KIF20B: variants seen among roughly 807,000 people sequenced by gnomAD.
KIF20B encodes kinesin-like protein KIF20B.
A neutral mutation model predicts 232.5 loss-of-function variants in KIF20B; 188 were observed. That is an observed-to-expected ratio of 0.81 (90% CI 0.72 to 0.91). KIF20B has a LOEUF of 0.91. Ranked by LOEUF, KIF20B falls within the 40% of genes least tolerant of loss-of-function variation. KIF20B has a pLI of 0.00. For missense variants in KIF20B, 2,154 were observed against 2,055.9 expected, an observed-to-expected ratio of 1.05 and a Z score of -0.92; for synonymous variants, 712 against 683.0, an observed-to-expected ratio of 1.04 and a Z score of -0.66.
chr10:89,759,317 C>T (rs1034071118), intron 27 of KIF20B, among the ~76,000 whole-genome samples: 27 of 151,982 alleles, frequency 1.8e-4, no homozygotes, highest in Admixed American at 8.5e-4. Context: ...GGTAGAGAGA[C>T]ATTATGAGTC....
At chr10:89,755,734 C>T (rs1842107844) in intron 26 of KIF20B, among the ~76,000 whole-genome samples, 1 of 151,944 alleles carries the variant, frequency 6.6e-6, no homozygotes. Flanking sequence ...ACTGGGACTA[C>T]AGGCACATGC....
chr10:89,727,977 T>TG (rs1843226130), intron 17 of KIF20B, 81 bp downstream of exon 17: 14 of 1,265,166 alleles, frequency 1.1e-5, no homozygotes, highest in Non-Finnish European at 1.4e-5. Flanking sequence ...TTTGTTTATT[T>TG]TAAAAAATAA....
In KIF20B at chr10:89,719,534, G is replaced by T. The variant is rs1589856605; in HGVS notation, c.1550G>T (p.Arg517Ile). 6.2e-7 allele frequency: 1 copy of T among 1,612,994 alleles called. No homozygotes were observed. The highest frequency in any genetic ancestry group is 8.5e-7 in the Non-Finnish European group (1 of 1,179,294). ...AACAGTAAAATATTAAATGTAAAAA[G>T]AGCCACCATTTCATGGGAAAATAGT... ...NSNSKILNVK[R>I]ATISWENSLE... is the part of the protein sequence containing the mutation. Residue 517 changes from arginine to isoleucine, a missense_variant, in exon 13 of 33, where the codon AGA becomes ATA. Coordinates refer to ENST00000371728, the MANE Select transcript of KIF20B (RefSeq NM_001284259.2).
chr10:89,762,244 C>G (rs906861712), intron 28 of KIF20B, among the ~76,000 whole-genome samples: 1 of 152,200 alleles, frequency 6.6e-6, no homozygotes, highest in Non-Finnish European at 1.5e-5. Flanking sequence ...GAATGAGAGA[C>G]TCCATCTCTC....
Position 89,737,937 on chromosome 10 carries a change from T to C in KIF20B, c.3096T>C (p.Asp1032=), listed in dbSNP as rs754328979. ...PNTQLDLLGN[D]YLVSKQVKEY... is the part of the protein sequence containing the mutation. ...CACAGTTAGACCTTTTAGGTAATGATTATTTGGTAAGTAAGCAAGTTAAAG... is the reference window on the plus strand; with the variant it reads ...CACAGTTAGACCTTTTAGGTAATGACTATTTGGTAAGTAAGCAAGTTAAAG... Residue 1032 remains aspartate (D), a synonymous_variant, in exon 20 of 33, where the codon GAT becomes GAC. Transcript: ENST00000371728. 1.1e-5 allele frequency: 17 copies of C among 1,613,186 alleles called. No individual in the cohort carries two copies. In the African/African-American group the frequency reaches 2.0e-4, roughly 19 times the overall value.
chr10:89,774,041 C>T lies in KIF20B; in HGVS notation c.5456C>T (p.Ala1819Val), dbSNP rs962046645. The change falls in exon 33 of 33, where the codon GCC becomes GTC. Residue 1819 changes from alanine (A) to valine (V), a missense_variant. Coordinates refer to ENST00000371728, the MANE Select transcript of KIF20B (RefSeq NM_001284259.2). The stretch of plus-strand genomic sequence containing the variant: ...AAACGACGACTTCGAACAAAAACAG[C>T]CAAATAAATCACTTATGGAAATGTT... ...IIKRRLRTKT[A>V]K The T allele has an allele frequency of 2.6e-6, 4 of 1,568,328 alleles. No homozygotes were observed. In the African/African-American group the frequency reaches 4.1e-5, roughly 16 times the overall value.
chr10:89,768,279 AT>A lies in KIF20B; in HGVS notation c.4990-9del. ...AAGAAATTAACTGGTGCTAAAATTCATTATTTTTAGGACTTGGTGAAATGTG... is the reference window on the plus strand; with the variant it reads ...AAGAAATTAACTGGTGCTAAAATTCATATTTTTAGGACTTGGTGAAATGTG... On this transcript the variant is annotated splice_polypyrimidine_tract_variant and intron_variant, in intron 29 of 32. Coordinates refer to ENST00000371728, the MANE Select transcript of KIF20B (RefSeq NM_001284259.2). 1 of 1,479,588 alleles carries A rather than the reference AT, an allele frequency of 6.8e-7. No homozygotes were observed. Among genetic ancestry groups the A allele is most frequent in the Non-Finnish European group, 9.3e-7 (1 of 1,078,876 alleles). 91.7% of individuals were successfully genotyped at this position (1,479,588 alleles called of 1,614,324 possible).
At chr10:89,741,150 A>G (rs984183722) in intron 21 of KIF20B, among the ~76,000 whole-genome samples, 1 of 152,258 alleles carries the variant, frequency 6.6e-6, no homozygotes, top group Non-Finnish European at 1.5e-5. Context: ...AGACAGTGGC[A>G]GATCAGCAGG....
rs1281281711 is a variant in KIF20B at position 89,737,807 on chromosome 10, T to C, written c.2966T>C (p.Ile989Thr). The change falls in exon 20 of 33, where the codon ATA becomes ACA. Residue 989 changes from isoleucine (I) to threonine (T), a missense_variant. Coordinates refer to ENST00000371728, the MANE Select transcript of KIF20B (RefSeq NM_001284259.2). ...VSQIKLMHTK[I>T]DELRTLDSVS... is the part of the protein sequence containing the mutation. ...CAAATAAAATTAATGCACACGAAAA[T>C]AGACGAACTACGTACTCTTGATTCA... The C allele has an allele frequency of 6.2e-7, 1 of 1,613,198 alleles. No individual in the cohort carries two copies.
At chr10:89,739,318 T>C (rs547649409) in intron 21 of KIF20B, among the ~76,000 whole-genome samples, 1 of 152,296 alleles carries the variant, frequency 6.6e-6, no homozygotes, top group South Asian at 2.1e-4. Context: ...GAAAGATTAG[T>C]CTTTTTCTTC....
chr10:89,736,763 A>G (rs955035487), intron 19 of KIF20B, among the ~76,000 whole-genome samples: 1 of 152,126 alleles, frequency 6.6e-6, no homozygotes, highest in African/African-American at 2.4e-5. Context: ...TGTCATCTTG[A>G]TCTTCACAAC....
rs1016764024 is a variant in KIF20B, at chr10:89,774,278, T to C, written c.*230T>C. 6.8e-6 allele frequency: 2 copies of C among 294,834 alleles called. No homozygotes were observed. The highest frequency in any genetic ancestry group is 1.4e-4 in the South Asian group (1 of 7,300). 18.3% of individuals were successfully genotyped at this position (294,834 alleles called of 1,614,324 possible). Reference sequence around the variant, plus strand: ...CTGTATTTCCCTATTATCTCAGACATTGGATCAGTGAAGATCCTAGGAAAG... The same window carrying C: ...CTGTATTTCCCTATTATCTCAGACACTGGATCAGTGAAGATCCTAGGAAAG... On this transcript the variant is annotated 3_prime_UTR_variant, in exon 33 of 33. Transcript: ENST00000371728.
At chr10:89,712,308 T>C (rs1253690650) in intron 6 of KIF20B, among the ~76,000 whole-genome samples, 1 of 151,988 alleles carries the variant, frequency 6.6e-6, no homozygotes, top group Non-Finnish European at 1.5e-5. Flanking sequence ...GGCTGGAGTA[T>C]AGCGGTATGA....
intron 21 of KIF20B, among the ~76,000 whole-genome samples, chr10:89,742,541 G>GT (rs1372316841): frequency 6.6e-6 from 1 of 152,056 alleles, no homozygotes; most frequent in Non-Finnish European, 1.5e-5. Context: ...TGAAGATGGT[G>GT]TTTATTACTT....
chr10:89,761,960 T>A (rs989944603), intron 28 of KIF20B, among the ~76,000 whole-genome samples: 1 of 152,194 alleles, frequency 6.6e-6, no homozygotes, highest in Non-Finnish European at 1.5e-5. Context: ...TCGATATACT[T>A]AACTGGGCTG....
chr10:89,738,262 C>T lies in KIF20B; in HGVS notation c.3421C>T (p.His1141Tyr). ...TGTTACTCTTGATGTTCAAATACAG[C>T]ATGTAGTTGAAGGAAAGAGAGCGCT... is the stretch of plus-strand genomic sequence containing the variant. ...KNVTLDVQIQ[H>Y]VVEGKRALSE... Residue 1141 changes from histidine (H) to tyrosine (Y), a missense_variant, in exon 20 of 33, where the codon CAT becomes TAT. Physicochemically the swap from His to Tyr is moderately conservative, Grantham distance 83. Transcript: ENST00000371728. 2 of 1,610,098 alleles carry T rather than the reference C, an allele frequency of 1.2e-6. No individual in the cohort carries two copies. The highest frequency in any genetic ancestry group is 1.7e-6 in the Non-Finnish European group (2 of 1,178,546).
chr10:89,710,506 G>A (rs1276584518), intron 5 of KIF20B, among the ~76,000 whole-genome samples: 2 of 152,148 alleles, frequency 1.3e-5, no homozygotes, highest in African/African-American at 4.8e-5. Context: ...TTGGATTACA[G>A]GCAAGAGCCA....
At chr10:89,716,610 C>A in intron 9 of KIF20B, 63 bp downstream of exon 9, 1 of 817,020 alleles carries the variant, frequency 1.2e-6, no homozygotes, top group Non-Finnish European at 2.0e-6. Context: ...TTAATTTAAA[C>A]ACAGCTAATT....
At chr10:89,731,706 C>T (rs942696695) in intron 18 of KIF20B, among the ~76,000 whole-genome samples, 1 of 151,984 alleles carries the variant, frequency 6.6e-6, no homozygotes, top group African/African-American at 2.4e-5. Flanking sequence ...TACCAAGGAT[C>T]GGGGAAGGAA....
Sources: gnomAD v4.1 joint callset for allele counts (sites outside exome capture counted in the v4.1 genomes callset) on GRCh38, gnomAD v4.1.1 for gene constraint, MANE v1.5 for transcripts, NCBI Gene and HGNC (gene_info 2026-07-23, HGNC 2026-07-21) for gene names.